CNOT1: variants seen among roughly 807,000 people sequenced by gnomAD.
CNOT1 encodes CCR4-NOT transcription complex subunit 1.
CNOT1 carries 15 observed loss-of-function variants against 273.8 expected under a neutral mutation model. The ratio of observed to expected loss-of-function variants is 0.05; its 90% CI spans 0.04 to 0.08. The LOEUF (loss-of-function observed/expected upper bound fraction) is 0.08, where lower values mean the gene tolerates loss of function less well. Among genes scored for constraint, CNOT1 ranks in the 10% least tolerant of loss-of-function variants. The pLI is 1.00. For synonymous variants in CNOT1, 1,022 were observed against 1,005.5 expected (o/e 1.02, Z -0.31); for missense variants, 1,644 against 2,912.2 (o/e 0.56, Z 10.02).
intron 39 of CNOT1, among the ~76,000 whole-genome samples, chr16:58,536,003 G>A (rs37064): frequency 6.6e-6 from 1 of 151,970 alleles, no homozygotes; most frequent in Non-Finnish European, 1.5e-5. Flanking sequence ...CAAAGTGCTG[G>A]GATTACAGGC....
intron 17 of CNOT1, 69 bp downstream of exon 17, chr16:58,560,143 T>C (rs1299473336): frequency 7.7e-6 from 12 of 1,562,620 alleles, no homozygotes; most frequent in African/African-American, 2.8e-5. Flanking sequence ...AATTTATTAA[T>C]GACATAGGAG....
In CNOT1 at chr16:58,547,732, AAACTC is replaced by A. The variant is rs2040304715; in HGVS notation, c.3523-55_3523-51del. The A allele has an allele frequency of 1.9e-6, 3 of 1,544,318 alleles. No individual in the cohort carries two copies. The highest frequency in any genetic ancestry group is 2.8e-5 in the African/African-American group (2 of 72,386). The stretch of plus-strand genomic sequence containing the variant: ...GATATGAGAATAAGCTTATGAAAGA[AAACTC>A]AACTAAGTATTTGAGAATTCCATTA... On this transcript the variant is annotated intron_variant, in intron 25 of 48. Coordinates refer to ENST00000317147, the MANE Select transcript of CNOT1 (RefSeq NM_016284.5). The surrounding 1 kb of genome is among the most constrained non-coding windows in gnomAD (Gnocchi z 4.0).
intron 16 of CNOT1, among the ~76,000 whole-genome samples, chr16:58,564,972 T>G (rs2040989453): frequency 6.6e-6 from 1 of 152,000 alleles, no homozygotes; most frequent in Admixed American, 6.6e-5. Context: ...ATAAAAGAAG[T>G]GGCAAGAATA....
intron 46 of CNOT1, chr16:58,523,759 A>G (rs1356111044): frequency 6.7e-6 from 2 of 297,790 alleles, no homozygotes; most frequent in East Asian, 6.0e-5. Flanking sequence ...AACATGAACT[A>G]TTTTCTGGTG....
chr16:58,596,682 T>C (rs2152002032), intron 2 of CNOT1, among the ~76,000 whole-genome samples: 1 of 151,760 alleles, frequency 6.6e-6, no homozygotes, highest in South Asian at 2.1e-4. Flanking sequence ...GGTCAGGAGA[T>C]TGAGACCATC....
At chr16:58,535,596 A>T (rs1025744044) in intron 39 of CNOT1, among the ~76,000 whole-genome samples, 3 of 152,202 alleles carry the variant, frequency 2.0e-5, no homozygotes, top group African/African-American at 4.8e-5. Flanking sequence ...TCAAATTATA[A>T]ATCAGACTAT....
chr16:58,571,668 G>A (rs943428651), intron 16 of CNOT1, among the ~76,000 whole-genome samples: 11 of 151,922 alleles, frequency 7.2e-5, no homozygotes, highest in African/African-American at 2.2e-4. Context: ...AAAACTGAAG[G>A]GAGAAAAAGA....
chr16:58,536,062 C>A (rs1383847410), intron 39 of CNOT1, among the ~76,000 whole-genome samples: 1 of 152,138 alleles, frequency 6.6e-6, no homozygotes, highest in African/African-American at 2.4e-5. Context: ...CAAATAACTT[C>A]TAGAATTGAA....
chr16:58,530,278 C>A lies in CNOT1; in HGVS notation c.6247G>T (p.Glu2083Ter). 6.2e-7 allele frequency: 1 copy of A among 1,611,782 alleles called. No homozygotes were observed. Residue 2083 changes from glutamate to a stop codon, truncating the protein, a stop_gained, in exon 43 of 49, where the codon GAA becomes TAA. Coordinates refer to ENST00000317147, the MANE Select transcript of CNOT1 (RefSeq NM_016284.5). LOFTEE classifies it high-confidence loss of function. ...KYLAPFLRNV[E>*]LTKPMQILYK... Reference sequence around the variant, plus strand: ...AGGATTTGCATAGGTTTGGTGAGTTCCACATTTCTAAGGAAAGGCGCTAAA... The same window carrying A: ...AGGATTTGCATAGGTTTGGTGAGTTACACATTTCTAAGGAAAGGCGCTAAA...
intron 16 of CNOT1, among the ~76,000 whole-genome samples, chr16:58,572,363 G>A (rs961226461): frequency 6.6e-6 from 1 of 152,150 alleles, no homozygotes; most frequent in African/African-American, 2.4e-5. Flanking sequence ...AGGTGCAGTA[G>A]CTCATGCCTG....
intron 1 of CNOT1, among the ~76,000 whole-genome samples, chr16:58,617,037 G>A (rs1464090839): frequency 6.6e-6 from 1 of 152,168 alleles, no homozygotes; most frequent in Non-Finnish European, 1.5e-5. Flanking sequence ...AGAGTTACTG[G>A]CATTCAGTGA....
At chr16:58,546,523 G>A in intron 28 of CNOT1, 25 bp from the exon 29 acceptor site, 2 of 1,601,312 alleles carry the variant, frequency 1.2e-6, no homozygotes, top group Non-Finnish European at 1.7e-6. Context: ...AGTTGGATTA[G>A]AATTTTTAAA....
chr16:58,571,105 A>G (rs1028144165), intron 16 of CNOT1, among the ~76,000 whole-genome samples: 1 of 152,152 alleles, frequency 6.6e-6, no homozygotes, highest in Non-Finnish European at 1.5e-5. Flanking sequence ...GAAAAACAAA[A>G]CAAAACAAAA....
At chr16:58,545,598 T>C (rs747055686) in intron 29 of CNOT1, 107 bp from the exon 30 acceptor site, 10 of 1,523,596 alleles carry the variant, frequency 6.6e-6, no homozygotes, top group South Asian at 2.6e-5. Context: ...ACGAATTAAA[T>C]TGGGAGAGGA....
chr16:58,548,947 C>A (rs1281988670), intron 25 of CNOT1, among the ~76,000 whole-genome samples: 1 of 152,074 alleles, frequency 6.6e-6, no homozygotes. Context: ...AGCAGCAATA[C>A]AAATACATAC....
chr16:58,559,495 AG>A (rs142192220), intron 17 of CNOT1, among the ~76,000 whole-genome samples: 5,502 of 152,240 alleles, frequency 0.036, 316 homozygotes, highest in African/African-American at 0.12. Context: ...GGGATTTTTG[AG>A]GTGGGGGAAG....
In CNOT1 at chr16:58,520,089, G is replaced by T. The variant is rs1009967767; in HGVS notation, c.*869C>A. On this transcript the variant is annotated 3_prime_UTR_variant, in exon 49 of 49. Coordinates refer to ENST00000317147, the MANE Select transcript of CNOT1 (RefSeq NM_016284.5). ...AAACATTCAAAATCCTTATAAAAGG[G>T]GCTGTATTGGTCCTTTCAACTTTGT... The T allele has an allele frequency of 6.6e-6, 1 of 152,198 alleles. No individual in the cohort carries two copies. Among genetic ancestry groups the T allele is most frequent in the Non-Finnish European group, 1.5e-5 (1 of 68,044 alleles). 9.4% of individuals were successfully genotyped at this position (152,198 alleles called of 1,614,324 possible).
At chr16:58,545,613 AGGATGTAG>A in intron 29 of CNOT1, 122 bp from the exon 30 acceptor site, 4 of 1,466,528 alleles carry the variant, frequency 2.7e-6, no homozygotes, top group East Asian at 2.5e-5. Flanking sequence ...AGAGGAGGGA[AGGATGTAG>A]CAGGTCCTAT....
chr16:58,625,887 A>G (rs2043557812), intron 1 of CNOT1, among the ~76,000 whole-genome samples: 1 of 149,864 alleles, frequency 6.7e-6, no homozygotes, highest in African/African-American at 2.5e-5. Flanking sequence ...ACTATTGTAT[A>G]CACTGGGGGG....
Sources: gnomAD v4.1 joint callset for allele counts (sites outside exome capture counted in the v4.1 genomes callset) on GRCh38, gnomAD v4.1.1 for gene constraint, Gnocchi (gnomAD v3.1) non-coding constraint, MANE v1.5 for transcripts, NCBI Gene and HGNC (gene_info 2026-07-23, HGNC 2026-07-21) for gene names.